FAM185A: variants seen among roughly 807,000 people sequenced by gnomAD.
The protein encoded by FAM185A is protein FAM185A.
Under a neutral mutation model 45.7 loss-of-function variants are expected in FAM185A, and 21 were observed. The ratio of observed to expected loss-of-function variants is 0.46; its 90% CI spans 0.33 to 0.66. The LOEUF (loss-of-function observed/expected upper bound fraction) is 0.66, where lower values mean the gene tolerates loss of function less well. Ranked by LOEUF, FAM185A falls within the 30% of genes least tolerant of loss-of-function variation. The pLI is 0.03. For synonymous variants in FAM185A, 117 were observed against 194.0 expected, an observed-to-expected ratio of 0.60 and a Z score of 3.30; for missense variants, 305 against 485.4, an observed-to-expected ratio of 0.63 and a Z score of 3.49.
chr7:102,832,997 A>T, the FAM185A span: 8 of 1,613,322 alleles, frequency 5.0e-6, no homozygotes, highest in East Asian at 1.3e-4. Context: ...CCAAGGTCAA[A>T]TTTTTTCTTT....
At position 102,772,468 on chromosome 7, in the gene FAM185A, A is replaced by G. The variant is rs1480424028; in HGVS notation, c.835+18A>G. ...CACAGTAGGTATGTGCTAAGCTACT[A>G]GTTCGTGTATTTTGTCCACTTTTAA... is the stretch of plus-strand genomic sequence containing the variant. On this transcript the variant is annotated intron_variant, in intron 5 of 7. Transcript: ENST00000413034. The G allele has an allele frequency of 6.5e-7, 1 of 1,529,004 alleles. No homozygotes were observed. The highest frequency in any genetic ancestry group is 8.8e-7 in the Non-Finnish European group (1 of 1,138,258). The allele number at this position is 1,529,004 out of a possible 1,614,324, so 94.7% of individuals were successfully genotyped here.
At chr7:102,821,322 C>T in the FAM185A span, among the ~76,000 whole-genome samples, 1 of 152,114 alleles carries the variant, frequency 6.6e-6, no homozygotes. Context: ...AGGCCTGGGC[C>T]CAGTGGGAAT....
chr7:102,835,771 G>A, the FAM185A span, among the ~76,000 whole-genome samples: 2 of 149,120 alleles, frequency 1.3e-5, no homozygotes. Flanking sequence ...CACTACGCCC[G>A]GCTAATTTTT....
At chr7:102,813,838 C>G (rs1022048450), downstream of FAM185A, among the ~76,000 whole-genome samples, 2 of 152,148 alleles carry the variant, frequency 1.3e-5, no homozygotes, top group Non-Finnish European at 2.9e-5. Flanking sequence ...AAGTAAGCCC[C>G]TTCCTTGGTA....
chr7:102,765,495 C>T (rs571752381), intron 4 of FAM185A, among the ~76,000 whole-genome samples: 278 of 151,724 alleles, frequency 1.8e-3, no homozygotes, highest in African/African-American at 5.9e-3. Flanking sequence ...TTTATATACC[C>T]TGATGGCAAA....
chr7:102,812,123 T>C (rs913990258), downstream of FAM185A, among the ~76,000 whole-genome samples: 4 of 152,228 alleles, frequency 2.6e-5, no homozygotes, highest in African/African-American at 9.6e-5. Flanking sequence ...CTGATATTGC[T>C]GACAAGGCTT....
intron 7 of FAM185A, among the ~76,000 whole-genome samples, chr7:102,789,412 T>A (rs1362840275): frequency 1.3e-5 from 2 of 151,914 alleles, no homozygotes; most frequent in Non-Finnish European, 2.9e-5. Context: ...ACTTACATTT[T>A]AAAAAATTTT....
At chr7:102,772,649 A>ATATT (rs1385500896) in intron 5 of FAM185A, among the ~76,000 whole-genome samples, 199 bp downstream of exon 5, 1 of 151,998 alleles carries the variant, frequency 6.6e-6, no homozygotes, top group Admixed American at 6.6e-5. Context: ...GAAATGTCTT[A>ATATT]TATTTCTTGC....
intron 4 of FAM185A, among the ~76,000 whole-genome samples, chr7:102,767,134 C>CTTT (rs56733214): frequency 0.11 from 16,034 of 139,570 alleles, 1,819 homozygotes; most frequent in African/African-American, 0.31. Context: ...AGAATTACAG[C>CTTT]TTTTTTTTTT....
At chr7:102,785,275 A>G (rs1257746903) in intron 6 of FAM185A, among the ~76,000 whole-genome samples, 1 of 151,586 alleles carries the variant, frequency 6.6e-6, no homozygotes, top group African/African-American at 2.4e-5. Context: ...TATAGATTCA[A>G]TGCCATCCCC....
downstream of FAM185A, among the ~76,000 whole-genome samples, chr7:102,812,885 G>A (rs893309716): frequency 1.4e-5 from 2 of 140,584 alleles, no homozygotes; most frequent in African/African-American, 2.7e-5. Context: ...CTCTGTCGCC[G>A]AGGCTGGAAT....
chr7:102,808,312 A>T lies in FAM185A; in HGVS notation c.1089A>T (p.Lys363Asn). Residue 363 changes from lysine (K) to asparagine (N), a missense_variant, in exon 8 of 8, where the codon AAA becomes AAT. Lys to Asn is a moderately conservative substitution (Grantham distance 94). Around this residue, in one of 5 missense-constraint regions of FAM185A, gnomAD observed 66 missense variants for 74.6 expected, o/e 0.89. Transcript: ENST00000413034. ...TVTGLMNQAS[K>N]REKWIKADAP... The stretch of plus-strand genomic sequence containing the variant: ...TAGGACTCATGAATCAAGCAAGCAA[A>T]CGTGAAAAATGGATTAAGGCTGATG... The T allele has an allele frequency of 6.4e-7, 1 of 1,551,864 alleles. No homozygotes were observed.
chr7:102,822,392 G>T, the FAM185A span: 6 of 698,042 alleles, frequency 8.6e-6, no homozygotes, highest in Non-Finnish European at 1.6e-5. Flanking sequence ...CCTGCAATTG[G>T]TGTCTTGGGA....
chr7:102,758,725 T>C (rs1793931708), intron 3 of FAM185A, among the ~76,000 whole-genome samples: 1 of 151,866 alleles, frequency 6.6e-6, no homozygotes, highest in Admixed American at 6.6e-5. Context: ...AGATAATTGG[T>C]GGGGAGGAGT....
chr7:102,819,865 T>A, the FAM185A span, among the ~76,000 whole-genome samples: 3 of 152,312 alleles, frequency 2.0e-5, no homozygotes, highest in East Asian at 5.8e-4. Flanking sequence ...CATTTCCAAC[T>A]GCACTGAAGG....
At chr7:102,830,265 C>A in the FAM185A span, among the ~76,000 whole-genome samples, 3 of 152,188 alleles carry the variant, frequency 2.0e-5, no homozygotes, top group African/African-American at 7.2e-5. Flanking sequence ...TGCACTGGAG[C>A]CTTTTCTTTT....
rs142149964 is a variant in FAM185A at position 102,777,674 on chromosome 7, A to G, written c.931+326A>G. Among the ~76,000 whole-genome samples, 466 of 152,376 alleles carry G rather than the reference A, an allele frequency of 3.1e-3. 1 individual carries two copies. Among genetic ancestry groups the G allele is most frequent in the African/African-American group, 0.011 (445 of 41,564 alleles). On this transcript the variant is annotated intron_variant, in intron 6 of 7. Transcript: ENST00000413034. Reference sequence around the variant, plus strand: ...CTGAAATAGAATAATCTTTGAAGGAAAAACGCTGCCATACACTCTTTTGGA... The same window carrying G: ...CTGAAATAGAATAATCTTTGAAGGAGAAACGCTGCCATACACTCTTTTGGA...
chr7:102,797,229 G>A (rs1210095838), intron 7 of FAM185A, among the ~76,000 whole-genome samples: 3 of 152,200 alleles, frequency 2.0e-5, no homozygotes, highest in African/African-American at 7.2e-5. Flanking sequence ...TTGGGAGGCC[G>A]AGGCGGGCAG....
chr7:102,805,717 G>C (rs534402442), intron 7 of FAM185A, among the ~76,000 whole-genome samples: 1 of 152,120 alleles, frequency 6.6e-6, no homozygotes, highest in South Asian at 2.1e-4. Flanking sequence ...ATAAAATAAA[G>C]GTGGGGAGGC....
Sources: gnomAD v4.1 joint callset for allele counts (sites outside exome capture counted in the v4.1 genomes callset) on GRCh38, gnomAD v4.1.1 for gene constraint, gnomAD v4.1.1 regional missense constraint, MANE v1.5 for transcripts, NCBI Gene and HGNC (gene_info 2026-07-23, HGNC 2026-07-21) for gene names.